Variants in LMF1 observed in about 807,000 individuals in gnomAD.
LMF1 encodes lipase maturation factor 1.
LMF1 carries 68 observed loss-of-function variants against 60.6 expected under a neutral mutation model. The ratio of observed to expected loss-of-function variants is 1.12; its 90% CI spans 0.92 to 1.37. LMF1 has a LOEUF of 1.37. Among genes scored for constraint, LMF1 ranks in the 40% most tolerant of loss-of-function variants. The probability of loss-of-function intolerance (pLI) is 0.00; values close to 1 mark genes in which losing one functional copy is unlikely to be tolerated. For synonymous variants in LMF1, 418 were observed against 324.7 expected, an observed-to-expected ratio of 1.29 and a Z score of -3.09; for missense variants, 948 against 767.2, an observed-to-expected ratio of 1.24 and a Z score of -2.78.
intron 1 of LMF1, among the ~76,000 whole-genome samples, chr16:957,667 C>T (rs888156939): frequency 6.6e-6 from 1 of 152,166 alleles, no homozygotes; most frequent in African/African-American, 2.4e-5. Flanking sequence ...TCATGTTACC[C>T]AATTTCAAGA....
At chr16:969,686 C>T (rs980377470) in intron 1 of LMF1, among the ~76,000 whole-genome samples, 2 of 152,222 alleles carry the variant, frequency 1.3e-5, no homozygotes, top group African/African-American at 2.4e-5. Flanking sequence ...CCAGCAGCTC[C>T]GGAGCCCTCT....
chr16:952,007 C>T (rs2072484069), intron 2 of LMF1, among the ~76,000 whole-genome samples: 1 of 152,160 alleles, frequency 6.6e-6, no homozygotes, highest in African/African-American at 2.4e-5. Context: ...GCGCCTGACC[C>T]CAGCACACCA....
intron 3 of LMF1, 73 bp from the exon 4 acceptor site, chr16:911,152 T>G: frequency 6.6e-7 from 1 of 1,521,176 alleles, no homozygotes; most frequent in Non-Finnish European, 9.0e-7. Context: ...TTTCAGAAAC[T>G]CAGTTTAATG....
intron 3 of LMF1, among the ~76,000 whole-genome samples, chr16:918,539 G>C (rs900781810): frequency 6.6e-6 from 1 of 152,194 alleles, no homozygotes; most frequent in Non-Finnish European, 1.5e-5. Flanking sequence ...TTTGTCTTTT[G>C]TGTCCCGGGC....
chr16:954,172 A>C, intron 2 of LMF1, 185 bp downstream of exon 2: 1 of 716,776 alleles, frequency 1.4e-6, no homozygotes, highest in Non-Finnish European at 2.5e-6. Context: ...TTAATCCTGA[A>C]GATGGGTGGC....
At position 911,044 on chromosome 16, in the gene LMF1, C is replaced by G; in HGVS notation, c.550G>C (p.Gly184Arg). ...GTCCACAGAGGGCACAGGAAGATCC[C>G]CAGGAACCCCGTCTCCAGAAGCTGG... is the stretch of plus-strand genomic sequence containing the variant. ...ESQLLETGFL[G>R]IFLCPLWTLS... Residue 184 changes from glycine to arginine, a missense_variant, in exon 4 of 11, where the codon GGG (glycine) becomes CGG (arginine). By Grantham distance (125) the Gly-to-Arg change is moderately radical. Transcript: ENST00000262301. 2 of 1,612,832 alleles carry G rather than the reference C, an allele frequency of 1.2e-6. No individual in the cohort carries two copies. Among genetic ancestry groups the G allele is most frequent in the Non-Finnish European group, 1.7e-6 (2 of 1,179,726 alleles).
At chr16:881,873 G>C (rs1055101821) in intron 5 of LMF1, among the ~76,000 whole-genome samples, 3 of 152,316 alleles carry the variant, frequency 2.0e-5, no homozygotes, top group Admixed American at 6.5e-5. Context: ...CTTCCCTCTT[G>C]CATGCTGGGG....
chr16:945,792 G>C (rs1453070413), intron 2 of LMF1, among the ~76,000 whole-genome samples: 1 of 152,122 alleles, frequency 6.6e-6, no homozygotes, highest in South Asian at 2.1e-4. Context: ...GTGGCTTCAA[G>C]GAATCCACTC....
rs191137681 is a variant in LMF1, at chr16:930,622, C to T, written c.514+3622G>A. Among the ~76,000 whole-genome samples the T allele has an allele frequency of 9.8e-5, 15 of 152,342 alleles. No homozygotes were observed. The East Asian group carries it at 2.1e-3, about 22-fold the overall frequency. On this transcript the variant is annotated intron_variant, in intron 3 of 10. Coordinates refer to ENST00000262301, the MANE Select transcript of LMF1 (RefSeq NM_022773.4). ...CTGAGAAAAAGGAAGACACTAGCGACGGGGGCTGTGCGGACTTCCCGGCCA... is the reference window on the plus strand; with the variant it reads ...CTGAGAAAAAGGAAGACACTAGCGATGGGGGCTGTGCGGACTTCCCGGCCA...
In LMF1 at chr16:949,553, G is replaced by C. The variant is rs1351421656; in HGVS notation, c.503+4804C>G. 1.7e-4 allele frequency among the ~76,000 whole-genome samples: 25 copies of C among 143,396 alleles called. 3 individuals are homozygous for C. Among genetic ancestry groups the C allele is most frequent in the Non-Finnish European group, 3.3e-4 (22 of 66,430 alleles). 94.1% of individuals were successfully genotyped at this position (143,396 alleles called of 152,430 possible). A position where few individuals can be genotyped will look rare whatever the true frequency, so the allele number is the denominator to read the frequency against. ...CGACAGAGTCAGAGCCAACGACAGA[G>C]TCAGAGACAATGACAGAGTCAGAGA... On this transcript the variant is annotated intron_variant, in intron 2 of 10. Coordinates refer to ENST00000262301, the MANE Select transcript of LMF1 (RefSeq NM_022773.4).
In LMF1 at chr16:853,926, T is replaced by C. The variant is rs149583654; in HGVS notation, c.*606A>G. 1,744 of 454,108 alleles carry C rather than the reference T, an allele frequency of 3.8e-3. 26 individuals are homozygous for C. The highest frequency in any genetic ancestry group is 0.029 in the African/African-American group (1,477 of 50,102). 28.1% of individuals were successfully genotyped at this position (454,108 alleles called of 1,614,324 possible). On this transcript the variant is annotated 3_prime_UTR_variant, in exon 11 of 11. Transcript: ENST00000262301. ...AACACATGTGTGCACAGGCTGTGTG[T>C]GCCTGCATGTGTGGGATGCGTGTAG...
chr16:904,457 C>T (rs28678089), intron 4 of LMF1, among the ~76,000 whole-genome samples: 169 of 56,492 alleles, frequency 3.0e-3, no homozygotes, highest in East Asian at 7.9e-3. Context: ...TGGGGACGCC[C>T]GTCTCTGCTG....
At chr16:934,134 T>A in intron 3 of LMF1, 110 bp downstream of exon 3, 2 of 1,583,274 alleles carry the variant, frequency 1.3e-6, no homozygotes, top group Non-Finnish European at 8.5e-7. Flanking sequence ...CTGGGAAGGC[T>A]GATGGCAGAG....
chr16:947,507 G>A (rs533302729), intron 2 of LMF1: 1 of 456,086 alleles, frequency 2.2e-6, no homozygotes, highest in South Asian at 1.5e-5. Flanking sequence ...TCCAGCCCTG[G>A]CGCTGCTCTC....
chr16:906,239 C>T (rs925767445), intron 4 of LMF1, among the ~76,000 whole-genome samples: 4 of 152,160 alleles, frequency 2.6e-5, no homozygotes, highest in Admixed American at 6.5e-5. Context: ...TCTGTCCTCA[C>T]GCCTTGTGAT....
At chr16:922,827 G>A (rs1396671108) in intron 3 of LMF1, among the ~76,000 whole-genome samples, 11 of 117,198 alleles carry the variant, frequency 9.4e-5, no homozygotes, top group Non-Finnish European at 1.8e-4. Context: ...GTGTTGTTGC[G>A]AAGGCCCTGT....
At chr16:952,328 TGA>T (rs1567306170) in intron 2 of LMF1, among the ~76,000 whole-genome samples, 1 of 151,236 alleles carries the variant, frequency 6.6e-6, no homozygotes, top group Non-Finnish European at 1.5e-5. Flanking sequence ...ACAGGTGCCC[TGA>T]TGCCAGCTGC....
At chr16:966,956 A>G (rs2072937127) in intron 1 of LMF1, among the ~76,000 whole-genome samples, 1 of 152,238 alleles carries the variant, frequency 6.6e-6, no homozygotes, top group South Asian at 2.1e-4. Flanking sequence ...TACATATACT[A>G]TGTGACTCTC....
intron 1 of LMF1, among the ~76,000 whole-genome samples, chr16:957,796 A>T (rs1220725044): frequency 6.6e-6 from 1 of 152,144 alleles, no homozygotes; most frequent in East Asian, 1.9e-4. Context: ...CCCCGACCCG[A>T]CACACAGAGT....
Sources: gnomAD v4.1 joint callset for allele counts (sites outside exome capture counted in the v4.1 genomes callset) on GRCh38, gnomAD v4.1.1 for gene constraint, MANE v1.5 for transcripts, NCBI Gene and HGNC (gene_info 2026-07-23, HGNC 2026-07-21) for gene names.